The following GARNL3 variants were observed in gnomAD, a reference collection of about 807,000 sequenced individuals.
GARNL3 encodes GTPase activating Rap/RanGAP domain like 3.
A neutral mutation model predicts 125.0 loss-of-function variants in GARNL3; 63 were observed. The observed-to-expected ratio is 0.50, with a 90% CI of 0.41 to 0.62. The LOEUF is 0.62. GARNL3 is among the 20% of genes least tolerant of loss of function. The probability of loss-of-function intolerance (pLI) is 0.00; values close to 1 mark genes in which losing one functional copy is unlikely to be tolerated. For synonymous variants in GARNL3, 439 were observed against 457.5 expected (o/e 0.96, Z 0.52); for missense variants, 994 against 1,244.0 (o/e 0.80, Z 3.02).
intron 2 of GARNL3, among the ~76,000 whole-genome samples, chr9:127,302,003 C>A (rs1487685455): frequency 8.4e-6 from 1 of 118,434 alleles, no homozygotes; most frequent in Non-Finnish European, 1.6e-5. Flanking sequence ...TGTGCAGTGG[C>A]GTGATCTCGG....
chr9:127,336,440 C>T (rs1829559891), intron 11 of GARNL3, among the ~76,000 whole-genome samples: 1 of 152,218 alleles, frequency 6.6e-6, no homozygotes, highest in Admixed American at 6.5e-5. Flanking sequence ...GATTAATTCT[C>T]AGAGAATTCT....
intron 17 of GARNL3, among the ~76,000 whole-genome samples, chr9:127,349,450 A>G (rs1369955524): frequency 6.6e-6 from 1 of 152,196 alleles, no homozygotes; most frequent in Non-Finnish European, 1.5e-5. Context: ...AAAAGTACTG[A>G]TGTCCAAAAC....
In GARNL3 at chr9:127,374,999, C is replaced by T. The variant is rs1362590580; in HGVS notation, c.2162-8439C>T. On this transcript the variant is annotated intron_variant, in intron 22 of 27. Coordinates refer to ENST00000373387, the MANE Select transcript of GARNL3 (RefSeq NM_032293.5). The stretch of plus-strand genomic sequence containing the variant: ...AACTATTAAATGGCTAAAATGAAAA[C>T]GATTGCTCGTAATCAGTGTTGGTAA... Among the ~76,000 whole-genome samples the T allele has an allele frequency of 5.3e-5, 8 of 151,450 alleles. No individual in the cohort carries two copies. In the South Asian group the frequency reaches 6.2e-4, roughly 12 times the overall value.
rs1433778534 is a variant in GARNL3 at position 127,332,298 on chromosome 9, G to A, written c.619G>A (p.Val207Ile). 3 of 1,613,808 alleles carry A rather than the reference G, an allele frequency of 1.9e-6. No individual in the cohort carries two copies. The highest frequency in any genetic ancestry group is 2.2e-5 in the South Asian group (2 of 91,064). ...GGGCTCTGTGAATTTCAAGTTTGGG[G>A]TTCTTTTTGCCAAAGATGGGCAGCT... ...QEGSVNFKFG[V>I]LFAKDGQLTD... The change falls in exon 8 of 28, where the codon GTT (valine) becomes ATT (isoleucine). Residue 207 changes from valine (V) to isoleucine (I), a missense_variant. Physicochemically the swap from Val to Ile is conservative, Grantham distance 29. This residue lies in a region of GARNL3 where 139 missense variants were observed against 231.6 expected (regional missense o/e 0.60). Coordinates refer to ENST00000373387, the MANE Select transcript of GARNL3 (RefSeq NM_032293.5).
intron 2 of GARNL3, chr9:127,300,600 A>C (rs2064753541): frequency 3.3e-6 from 1 of 299,462 alleles, no homozygotes; most frequent in Admixed American, 4.7e-5. Context: ...GACTACAGGC[A>C]TGCGCCACCA....
intron 16 of GARNL3, among the ~76,000 whole-genome samples, chr9:127,346,891 C>G (rs932563876): frequency 1.3e-5 from 2 of 152,212 alleles, no homozygotes; most frequent in Admixed American, 1.3e-4. Context: ...ACAGTCTGCA[C>G]TTAGACATGA....
intron 2 of GARNL3, among the ~76,000 whole-genome samples, chr9:127,306,141 T>TA (rs2131439164): frequency 6.6e-6 from 1 of 152,306 alleles, no homozygotes; most frequent in Admixed American, 6.5e-5. Context: ...GGAAATCTGC[T>TA]AAAACCCCTA....
At chr9:127,316,547 A>G (rs1392967092) in intron 4 of GARNL3, among the ~76,000 whole-genome samples, 4 of 152,212 alleles carry the variant, frequency 2.6e-5, no homozygotes, top group African/African-American at 9.6e-5. Flanking sequence ...CTCGGGTTTC[A>G]ATGGGAAGGA....
At position 127,327,207 on chromosome 9, in the gene GARNL3, C is replaced by T. The variant is rs76324829; in HGVS notation, c.594+2112C>T. ...TGCATGTACCATGTACTGTTTGAGGCGTTGCGGATACATCAGTGAGCAAGA... is the reference window on the plus strand; with the variant it reads ...TGCATGTACCATGTACTGTTTGAGGTGTTGCGGATACATCAGTGAGCAAGA... On this transcript the variant is annotated intron_variant, in intron 7 of 27. Transcript: ENST00000373387. Among the ~76,000 whole-genome samples the T allele has an allele frequency of 5.4e-3, 823 of 152,288 alleles. 23 individuals carry two copies. The East Asian group carries it at 0.081, about 15-fold the overall frequency.
intron 2 of GARNL3, among the ~76,000 whole-genome samples, chr9:127,248,606 T>C (rs914931501): frequency 4.5e-5 from 6 of 132,588 alleles, no homozygotes; most frequent in Non-Finnish European, 8.0e-5. Flanking sequence ...CTTTTTTTTT[T>C]TTTTTTTTTT....
intron 21 of GARNL3, 122 bp downstream of exon 21, chr9:127,357,499 A>AC: frequency 1.1e-5 from 10 of 897,612 alleles, no homozygotes; most frequent in African/African-American, 1.7e-5. Context: ...TCACATCAGT[A>AC]TTATGTGATT....
At chr9:127,374,951 A>C (rs1057269949) in intron 22 of GARNL3, among the ~76,000 whole-genome samples, 5 of 151,996 alleles carry the variant, frequency 3.3e-5, no homozygotes, top group Non-Finnish European at 7.4e-5. Flanking sequence ...TTTTTAAAAA[A>C]CTATAATGAG....
upstream of GARNL3, among the ~76,000 whole-genome samples, chr9:127,262,849 C>T (rs753988597): frequency 5.6e-4 from 85 of 152,340 alleles, no homozygotes; most frequent in African/African-American, 2.0e-3. Context: ...GAACAAAGCT[C>T]CCCTTGGAGC....
At chr9:127,225,330 G>C (rs2062887225) in intron 1 of GARNL3, 1 of 984,390 alleles carries the variant, frequency 1.0e-6, no homozygotes, top group Non-Finnish European at 1.2e-6. Flanking sequence ...GGAGCCCGGC[G>C]GGGTGGCCGC....
chr9:127,262,714 G>C (rs1303837171), upstream of GARNL3, among the ~76,000 whole-genome samples: 2 of 152,242 alleles, frequency 1.3e-5, no homozygotes, highest in East Asian at 3.8e-4. Context: ...TGGTAGAAGA[G>C]GTGCTGTCAG....
At chr9:127,368,607 A>T (rs1042704985) in intron 22 of GARNL3, among the ~76,000 whole-genome samples, 2 of 149,674 alleles carry the variant, frequency 1.3e-5, no homozygotes, top group Non-Finnish European at 1.5e-5. Context: ...CTGGGATTAC[A>T]GGCGTGAACC....
intron 2 of GARNL3, among the ~76,000 whole-genome samples, chr9:127,295,696 C>T (rs1159984019): frequency 6.6e-6 from 1 of 152,082 alleles, no homozygotes; most frequent in African/African-American, 2.4e-5. Flanking sequence ...CCATAACTCC[C>T]TAAAATCACT....
intron 21 of GARNL3, chr9:127,362,377 C>T (rs1193676478): frequency 1.3e-5 from 2 of 152,102 alleles, no homozygotes; most frequent in East Asian, 3.9e-4. Flanking sequence ...TGGCACATTT[C>T]TCCATTTTTA....
chr9:127,341,709 C>T (rs1446335120), intron 13 of GARNL3, among the ~76,000 whole-genome samples: 1 of 152,168 alleles, frequency 6.6e-6, no homozygotes, highest in African/African-American at 2.4e-5. Context: ...ACTAGGGACC[C>T]GGCTTATAAG....
Sources: allele counts gnomAD v4.1 joint callset (sites outside exome capture counted in the v4.1 genomes callset), GRCh38; gene constraint gnomAD v4.1.1; regional missense constraint gnomAD v4.1.1; transcripts MANE v1.5; gene names NCBI Gene and HGNC (gene_info 2026-07-23, HGNC 2026-07-21).